The following FCHSD2 variants were observed in gnomAD, a reference collection of about 807,000 sequenced individuals.
FCHSD2 encodes the protein FCH and double SH3 domains 2.
In FCHSD2, 38 loss-of-function variants were observed where a neutral mutation model predicts 108.1. That is an observed-to-expected ratio of 0.35 (90% CI 0.27 to 0.46). The LOEUF (loss-of-function observed/expected upper bound fraction) is 0.46, where lower values mean the gene tolerates loss of function less well. FCHSD2 is among the 20% of genes least tolerant of loss of function. The pLI, the probability that FCHSD2 is intolerant of heterozygous loss-of-function variation, is 1.00. For synonymous variants in FCHSD2, 279 were observed against 314.7 expected (o/e 0.89, Z 1.20); for missense variants, 751 against 897.8 (o/e 0.84, Z 2.09).
chr11:73,000,932 TTA>T, intron 5 of FCHSD2, 56 bp downstream of exon 5: 1 of 1,439,944 alleles, frequency 6.9e-7, no homozygotes, highest in Non-Finnish European at 9.5e-7. Context: ...ACCTTGCAGA[TTA>T]TAAATGTAGC....
intron 3 of FCHSD2, among the ~76,000 whole-genome samples, chr11:73,025,512 A>G (rs1464248480): frequency 6.6e-6 from 1 of 152,138 alleles, no homozygotes; most frequent in Non-Finnish European, 1.5e-5. Context: ...GGGAGGAGGG[A>G]GATAATGAGA....
chr11:73,112,446 A>T (rs1860507580), intron 2 of FCHSD2, among the ~76,000 whole-genome samples: 1 of 152,010 alleles, frequency 6.6e-6, no homozygotes, highest in Non-Finnish European at 1.5e-5. Context: ...TGGGAGTTTC[A>T]TTATTAAATG....
chr11:73,135,103 C>T lies in FCHSD2; in HGVS notation c.119+4928G>A, dbSNP rs1272300542. ...TCCTGACCTCAAGTGATCCACCCGC[C>T]TTGGCCTCCCAAAGTGCTGGGATCA... On this transcript the variant is annotated intron_variant, in intron 2 of 19. Coordinates refer to ENST00000409418, the MANE Select transcript of FCHSD2 (RefSeq NM_014824.3). Among the ~76,000 whole-genome samples the T allele has an allele frequency of 1.1e-4, 16 of 152,248 alleles. 1 individual carries two copies. The highest frequency in any genetic ancestry group is 4.6e-4 in the Admixed American group (7 of 15,292).
chr11:73,084,261 T>C (rs1439352187), intron 2 of FCHSD2, among the ~76,000 whole-genome samples: 1 of 152,196 alleles, frequency 6.6e-6, no homozygotes, highest in Non-Finnish European at 1.5e-5. Flanking sequence ...GCTCAAAATG[T>C]TTCCTTCACT....
chr11:72,881,153 T>C (rs1347354765), intron 12 of FCHSD2, among the ~76,000 whole-genome samples: 52 of 152,180 alleles, frequency 3.4e-4, no homozygotes, highest in Non-Finnish European at 1.5e-5. Context: ...ATACGGAATA[T>C]ACACGGAACT....
chr11:72,881,074 A>G (rs2365909), intron 12 of FCHSD2, among the ~76,000 whole-genome samples: 1 of 152,152 alleles, frequency 6.6e-6, no homozygotes, highest in African/African-American at 2.4e-5. Context: ...AAGGAAACAA[A>G]AGAGTTAACA....
intron 4 of FCHSD2, among the ~76,000 whole-genome samples, chr11:73,008,618 G>A (rs1463695549): frequency 1.3e-5 from 2 of 152,170 alleles, no homozygotes; most frequent in Admixed American, 1.3e-4. Flanking sequence ...GGTAAGTAGA[G>A]AGATAATTTG....
chr11:72,982,524 C>A (rs1290916200), intron 8 of FCHSD2, among the ~76,000 whole-genome samples: 1 of 152,184 alleles, frequency 6.6e-6, no homozygotes, highest in Non-Finnish European at 1.5e-5. Flanking sequence ...CAGATACAAT[C>A]CAAAGCAGAG....
At chr11:72,870,404 C>T (rs1591358128) in intron 12 of FCHSD2, among the ~76,000 whole-genome samples, 1 of 152,006 alleles carries the variant, frequency 6.6e-6, no homozygotes, top group Admixed American at 6.6e-5. Flanking sequence ...GAATAAATAT[C>T]CTATATAACT....
At chr11:73,035,256 G>T (rs533474976) in intron 3 of FCHSD2, among the ~76,000 whole-genome samples, 4 of 152,078 alleles carry the variant, frequency 2.6e-5, no homozygotes, top group Admixed American at 6.5e-5. Context: ...GCAGTGGCGC[G>T]ATCTTGGCTC....
chr11:72,913,997 T>C (rs941525219), intron 9 of FCHSD2, among the ~76,000 whole-genome samples: 7 of 152,058 alleles, frequency 4.6e-5, no homozygotes, highest in African/African-American at 1.7e-4. Context: ...AAAATGGCCA[T>C]ACTGCCTTAA....
chr11:73,129,897 C>T (rs1433736121), intron 2 of FCHSD2, among the ~76,000 whole-genome samples: 14 of 131,344 alleles, frequency 1.1e-4, no homozygotes, highest in Admixed American at 1.7e-4. Context: ...TTTTTTGAGA[C>T]AGAGTCTCGC....
chr11:72,863,985 C>T (rs1854660130), intron 13 of FCHSD2, among the ~76,000 whole-genome samples: 1 of 152,196 alleles, frequency 6.6e-6, no homozygotes, highest in Non-Finnish European at 1.5e-5. Context: ...ATGATCTTAG[C>T]AGTTTTAGAA....
intron 9 of FCHSD2, among the ~76,000 whole-genome samples, chr11:72,904,707 A>T (rs752619385): frequency 6.6e-6 from 1 of 152,192 alleles, no homozygotes; most frequent in Admixed American, 6.5e-5. Context: ...TTTACAAAAA[A>T]GTTTTTCAAA....
intron 2 of FCHSD2, among the ~76,000 whole-genome samples, chr11:73,099,151 G>A (rs1860157644): frequency 6.6e-6 from 1 of 152,122 alleles, no homozygotes; most frequent in East Asian, 1.9e-4. Flanking sequence ...GGCGTTCCAG[G>A]TTGCAGTAAG....
intron 12 of FCHSD2, among the ~76,000 whole-genome samples, chr11:72,876,590 T>C (rs1854975198): frequency 1.3e-5 from 2 of 152,246 alleles, no homozygotes; most frequent in Non-Finnish European, 2.9e-5. Flanking sequence ...TATGGTCCAG[T>C]GTATGGTCTT....
At position 72,956,574 on chromosome 11, in the gene FCHSD2, G is replaced by A. The variant is rs936479897; in HGVS notation, c.705+27514C>T. Among the ~76,000 whole-genome samples, 40 of 152,258 alleles carry A rather than the reference G, an allele frequency of 2.6e-4. 1 individual carries two copies. Among genetic ancestry groups the A allele is most frequent in the Middle Eastern group, 3.4e-3 (1 of 294 alleles). ...AGACTGAGAAATCCAAGATCAAGGC[G>A]CCAGCAGATTTGGTGTCTGGTGAGG... On this transcript the variant is annotated intron_variant, in intron 8 of 19. Transcript: ENST00000409418.
At chr11:72,983,085 G>A (rs369344558) in intron 8 of FCHSD2, among the ~76,000 whole-genome samples, 1 of 152,020 alleles carries the variant, frequency 6.6e-6, no homozygotes, top group South Asian at 2.1e-4. Flanking sequence ...ACGAGGTCAG[G>A]AGATCGAGAC....
chr11:73,010,347 A>T (rs568317151), intron 4 of FCHSD2, among the ~76,000 whole-genome samples: 6 of 151,964 alleles, frequency 3.9e-5, no homozygotes, highest in Admixed American at 2.0e-4. Flanking sequence ...CTTGTATCTC[A>T]TTGAGCTTCT....
Sources: gnomAD v4.1 joint callset for allele counts (sites outside exome capture counted in the v4.1 genomes callset) on GRCh38, gnomAD v4.1.1 for gene constraint, MANE v1.5 for transcripts, NCBI Gene and HGNC (gene_info 2026-07-23, HGNC 2026-07-21) for gene names.